PRR16: variants seen among roughly 807,000 people sequenced by gnomAD.
The protein encoded by PRR16 is proline rich 16.
Under a neutral mutation model 18.2 loss-of-function variants are expected in PRR16, and 6 were observed. That is an observed-to-expected ratio of 0.33 (90% CI 0.18 to 0.65). The LOEUF (loss-of-function observed/expected upper bound fraction) is 0.65. Ranked by LOEUF, PRR16 falls within the 30% of genes least tolerant of loss-of-function variation. The pLI, the probability that PRR16 is intolerant of heterozygous loss-of-function variation, is 0.74. For missense variants in PRR16, 412 were observed against 376.6 expected, an observed-to-expected ratio of 1.09 and a Z score of -0.78; for synonymous variants, 151 against 147.8, an observed-to-expected ratio of 1.02 and a Z score of -0.16.
At chr5:120,660,035 G>T (rs1191122657) in intron 1 of PRR16, among the ~76,000 whole-genome samples, 2 of 152,014 alleles carry the variant, frequency 1.3e-5, no homozygotes, top group Non-Finnish European at 2.9e-5. Context: ...GGCTTAGATT[G>T]CTCCATCCAG....
Position 120,616,772 on chromosome 5 carries a change from G to A in PRR16, c.160-69182G>A, listed in dbSNP as rs114983743. 3.9e-3 allele frequency among the ~76,000 whole-genome samples: 592 copies of A among 152,256 alleles called. 2 individuals are homozygous for A. The highest frequency in any genetic ancestry group is 0.014 in the African/African-American group (571 of 41,538). On this transcript the variant is annotated intron_variant, in intron 1 of 1. Transcript: ENST00000407149. ...AGTGGTAACCTACAAAGCATCCAGT[G>A]ATTTGCTATGGTATACTGTTTTCAG...
the PRR16 span, among the ~76,000 whole-genome samples, chr5:120,719,598 A>T: frequency 1.3e-5 from 2 of 152,088 alleles, no homozygotes. Flanking sequence ...ATGATTTGTG[A>T]CATATTGCAT....
intron 1 of PRR16, among the ~76,000 whole-genome samples, chr5:120,579,435 G>A (rs1042982806): frequency 6.6e-6 from 1 of 152,116 alleles, no homozygotes; most frequent in Admixed American, 6.6e-5. Context: ...TGTATAAGGT[G>A]TAAGGGAGGG....
chr5:120,645,488 A>G (rs922964933), intron 1 of PRR16, among the ~76,000 whole-genome samples: 52 of 150,882 alleles, frequency 3.4e-4, no homozygotes, highest in African/African-American at 1.2e-3. Context: ...ATCAGCTATT[A>G]GGGGCAAAAG....
the PRR16 span, among the ~76,000 whole-genome samples, chr5:120,733,771 A>C: frequency 6.6e-6 from 1 of 152,150 alleles, no homozygotes; most frequent in South Asian, 2.1e-4. Context: ...TAGTTTCTAA[A>C]AATTTTTGTA....
chr5:120,671,659 A>G (rs1258375319), intron 1 of PRR16, among the ~76,000 whole-genome samples: 1 of 152,206 alleles, frequency 6.6e-6, no homozygotes, highest in African/African-American at 2.4e-5. Context: ...AGATGTAAAA[A>G]GTAAAAACAT....
intron 1 of PRR16, among the ~76,000 whole-genome samples, chr5:120,595,636 A>G (rs964618620): frequency 2.0e-5 from 3 of 151,900 alleles, no homozygotes; most frequent in Non-Finnish European, 4.4e-5. Context: ...CCATGACACA[A>G]CTTTGCCTGT....
chr5:120,602,499 A>G (rs911203016), intron 1 of PRR16, among the ~76,000 whole-genome samples: 1 of 152,058 alleles, frequency 6.6e-6, no homozygotes, highest in Non-Finnish European at 1.5e-5. Context: ...ATAGAATTAT[A>G]TCATTAGCAA....
intron 1 of PRR16, among the ~76,000 whole-genome samples, chr5:120,504,732 A>G (rs1480185355): frequency 2.6e-5 from 4 of 152,152 alleles, no homozygotes; most frequent in Non-Finnish European, 5.9e-5. Context: ...AGTTACAGGG[A>G]TCCCCTTTGA....
At chr5:120,728,191 A>G in the PRR16 span, among the ~76,000 whole-genome samples, 1 of 152,058 alleles carries the variant, frequency 6.6e-6, no homozygotes, top group African/African-American at 2.4e-5. Flanking sequence ...TGTTTTTATA[A>G]TTTAGAAAAC....
intron 1 of PRR16, among the ~76,000 whole-genome samples, chr5:120,542,036 C>T (rs1238442961): frequency 6.6e-6 from 1 of 151,740 alleles, no homozygotes; most frequent in Non-Finnish European, 1.5e-5. Flanking sequence ...ATTTCTTTTC[C>T]TCTAGGTGTT....
chr5:120,532,505 G>C (rs937101056), intron 1 of PRR16, among the ~76,000 whole-genome samples: 1 of 151,896 alleles, frequency 6.6e-6, no homozygotes, highest in Non-Finnish European at 1.5e-5. Context: ...AATAATATTT[G>C]TTGAATCTTA....
the PRR16 span, among the ~76,000 whole-genome samples, chr5:120,730,967 ATTGT>A: frequency 6.6e-6 from 1 of 152,148 alleles, no homozygotes; most frequent in Admixed American, 6.6e-5. Context: ...ATTAGAGTTA[ATTGT>A]TTGGTCATCT....
At chr5:120,692,981 A>G in the PRR16 span, among the ~76,000 whole-genome samples, 2 of 152,222 alleles carry the variant, frequency 1.3e-5, no homozygotes, top group African/African-American at 4.8e-5. Flanking sequence ...TTCAATTATA[A>G]TTAAGTTCCT....
chr5:120,758,979 T>TC, the PRR16 span, among the ~76,000 whole-genome samples: 4 of 143,628 alleles, frequency 2.8e-5, no homozygotes, highest in South Asian at 2.2e-4. Context: ...AATTTCTTTT[T>TC]TTTTTTTTTT....
In PRR16 at chr5:120,499,877, G is replaced by A. The variant is rs145257963; in HGVS notation, c.159+35232G>A. ...TACATTATGAGAGTCTCGGAAGGTG[G>A]TGTAACATGTCACTACTCCCAGGAA... On this transcript the variant is annotated intron_variant, in intron 1 of 1. Transcript: ENST00000407149. Among the ~76,000 whole-genome samples, 400 of 152,066 alleles carry A rather than the reference G, an allele frequency of 2.6e-3. 2 individuals carry two copies. Among genetic ancestry groups the A allele is most frequent in the African/African-American group, 9.2e-3 (381 of 41,478 alleles).
intron 1 of PRR16, among the ~76,000 whole-genome samples, chr5:120,513,631 T>A (rs1432565466): frequency 3.9e-5 from 6 of 152,174 alleles, no homozygotes; most frequent in Non-Finnish European, 8.8e-5. Flanking sequence ...CACAGTATTC[T>A]CTATTACATC....
intron 1 of PRR16, among the ~76,000 whole-genome samples, chr5:120,609,122 C>T (rs1281971328): frequency 6.6e-6 from 1 of 151,894 alleles, no homozygotes; most frequent in Non-Finnish European, 1.5e-5. Context: ...TATACTCCCA[C>T]ATACCCTGCA....
intron 1 of PRR16, among the ~76,000 whole-genome samples, chr5:120,530,281 A>ATTTATT (rs1554081050): frequency 2.0e-4 from 19 of 92,688 alleles, no homozygotes; most frequent in South Asian, 6.2e-4. Context: ...ATATATATAT[A>ATTTATT]TATTTATTTA....
Sources: gnomAD v4.1 joint callset for allele counts (sites outside exome capture counted in the v4.1 genomes callset) on GRCh38, gnomAD v4.1.1 for gene constraint, MANE v1.5 for transcripts, NCBI Gene and HGNC (gene_info 2026-07-23, HGNC 2026-07-21) for gene names.